The following EP300 variants were observed in gnomAD, a reference collection of about 807,000 sequenced individuals.
EP300 encodes the protein EP300 lysine acetyltransferase, also known as histone acetyltransferase p300.
EP300 carries 31 observed loss-of-function variants against 264.0 expected under a neutral mutation model. The ratio of observed to expected loss-of-function variants is 0.12; its 90% CI spans 0.09 to 0.16. EP300 has a LOEUF of 0.16. Ranked by LOEUF, EP300 falls within the 10% of genes least tolerant of loss-of-function variation. EP300 has a pLI of 1.00. For synonymous variants in EP300, 1,340 were observed against 1,045.4 expected (o/e 1.28, Z -5.44); for missense variants, 2,766 against 3,052.9 (o/e 0.91, Z 2.21).
chr22:41,156,205 G>A (rs758805920), intron 17 of EP300, among the ~76,000 whole-genome samples: 6 of 151,950 alleles, frequency 3.9e-5, no homozygotes, highest in Admixed American at 1.3e-4. Context: ...TAGAGATGGG[G>A]TTTCTGTATG....
chr22:41,150,615 G>A (rs762652539), intron 14 of EP300, among the ~76,000 whole-genome samples: 3 of 152,174 alleles, frequency 2.0e-5, no homozygotes, highest in Non-Finnish European at 2.9e-5. Flanking sequence ...TTGGACGGGC[G>A]CGGTGGTGTA....
At position 41,092,737 on chromosome 22, in the gene EP300, C is replaced by T. The variant is rs549162063; in HGVS notation, c.-268C>T. ...GTTCTCGGGAATTCGCCGCAGCGGA[C>T]GCGCTCGGCGAATTTGTGCTCTTGT... On this transcript the variant is annotated 5_prime_UTR_variant, in exon 1 of 31. In the 5' UTR this introduces an upstream ATG that the reference lacks. Coordinates refer to ENST00000263253, the MANE Select transcript of EP300 (RefSeq NM_001429.4). The T allele has an allele frequency of 6.6e-6, 4 of 608,932 alleles. No homozygotes were observed. Among genetic ancestry groups the T allele is most frequent in the Non-Finnish European group, 1.2e-5 (4 of 335,476 alleles). 37.7% of individuals were successfully genotyped at this position (608,932 alleles called of 1,614,324 possible).
chr22:41,117,862 G>T, intron 2 of EP300, 41 bp downstream of exon 2: 1 of 1,612,184 alleles, frequency 6.2e-7, no homozygotes, highest in Non-Finnish European at 8.5e-7. Flanking sequence ...CGGCATGCAT[G>T]TGAGTATTGT....
chr22:41,167,878 G>A (rs2059149159), intron 23 of EP300, among the ~76,000 whole-genome samples: 2 of 111,804 alleles, frequency 1.8e-5, no homozygotes, highest in African/African-American at 3.5e-5. Context: ...GTCGCCCATA[G>A]TGGCGCAGTC....
Position 41,149,953 on chromosome 22 carries a change from A to G in EP300, c.2572A>G (p.Thr858Ala), listed in dbSNP as rs201030855. 98 of 1,613,690 alleles carry G rather than the reference A, an allele frequency of 6.1e-5. 1 individual carries two copies. The highest frequency in any genetic ancestry group is 8.0e-5 in the Non-Finnish European group (94 of 1,179,866). ...SIGAQQPPAT[T>A]IPAPVPTPPA... ...AGGGGCTCAGCAGCCACCAGCAACA[A>G]CAATTCCAGCCCCTGTTCCTACACC... is the stretch of plus-strand genomic sequence containing the variant. The change falls in exon 14 of 31, where the codon ACA becomes GCA. Residue 858 changes from threonine (T) to alanine (A), a missense_variant. Coordinates refer to ENST00000263253, the MANE Select transcript of EP300 (RefSeq NM_001429.4).
At chr22:41,123,632 T>C (rs1316864824) in intron 2 of EP300, among the ~76,000 whole-genome samples, 1 of 152,186 alleles carries the variant, frequency 6.6e-6, no homozygotes, top group African/African-American at 2.4e-5. Flanking sequence ...ATGAATCCTT[T>C]AATTGGGCAG....
In EP300 at chr22:41,150,209, A is replaced by G; in HGVS notation, c.2817+11A>G. On this transcript the variant is annotated intron_variant, in intron 14 of 30. Transcript: ENST00000263253. ...CAGCCTGCAACTCCAGTAAGTAGAG[A>G]TTTGGATTTAGGCAGAATCATTAGA... 1 of 1,598,060 alleles carries G rather than the reference A, an allele frequency of 6.3e-7. No individual in the cohort carries two copies.
At chr22:41,126,185 G>A (rs2058881345) in intron 3 of EP300, 145 bp downstream of exon 3, 3 of 784,780 alleles carry the variant, frequency 3.8e-6, no homozygotes, top group Non-Finnish European at 6.2e-6. Context: ...TCCCTGTGAG[G>A]AGGCTTGTGC....
In EP300 at chr22:41,149,764, C is replaced by G; in HGVS notation, c.2383C>G (p.Gln795Glu). The G allele has an allele frequency of 6.2e-7, 1 of 1,614,080 alleles. No individual in the cohort carries two copies. The change falls in exon 14 of 31, where the codon CAA becomes GAA. Residue 795 changes from glutamine (Q) to glutamate (E), a missense_variant. Gln to Glu is a conservative substitution (Grantham distance 29, BLOSUM62 2). Coordinates refer to ENST00000263253, the MANE Select transcript of EP300 (RefSeq NM_001429.4). Reference protein sequence around the residue: ...SSGQAPVSQAQMSSSSCPVNS... With the variant: ...SSGQAPVSQAEMSSSSCPVNS... Reference sequence around the variant, plus strand: ...GTTATGTTTTTTATTTTAACAGGCACAAATGTCTAGTTCTTCCTGCCCGGT... The same window carrying G: ...GTTATGTTTTTTATTTTAACAGGCAGAAATGTCTAGTTCTTCCTGCCCGGT...
chr22:41,104,346 GTGGTGTAATCT>G lies in EP300; in HGVS notation c.94+11252_94+11262del, dbSNP rs532804758. 3.8e-4 allele frequency among the ~76,000 whole-genome samples: 57 copies of G among 151,962 alleles called. 1 individual carries two copies. The highest frequency in any genetic ancestry group is 1.3e-3 in the African/African-American group (53 of 41,436). On this transcript the variant is annotated intron_variant, in intron 1 of 30. Transcript: ENST00000263253. ...GCTCTGTTGCCCAGGCTGGAGTGCA[GTGGTGTAATCT>G]TGGCTCACTGCAACCTCTGCCTCCC...
chr22:41,109,979 A>G (rs910133988), intron 1 of EP300, among the ~76,000 whole-genome samples: 2 of 151,194 alleles, frequency 1.3e-5, no homozygotes, highest in Non-Finnish European at 3.0e-5. Context: ...ACGCCCAGCT[A>G]ATTTTTGTAT....
chr22:41,127,040 G>A (rs758594726), intron 3 of EP300, among the ~76,000 whole-genome samples: 1 of 151,982 alleles, frequency 6.6e-6, no homozygotes, highest in South Asian at 2.1e-4. Flanking sequence ...CACCGCGCCC[G>A]GCCTGAAATC....
chr22:41,154,060 TATC>T (rs928916811), intron 16 of EP300, among the ~76,000 whole-genome samples: 2 of 152,216 alleles, frequency 1.3e-5, no homozygotes, highest in Non-Finnish European at 2.9e-5. Flanking sequence ...TTTTGGGAAA[TATC>T]ATTGAGAACA....
intron 1 of EP300, among the ~76,000 whole-genome samples, chr22:41,100,725 T>C (rs954987107): frequency 9.9e-5 from 15 of 152,182 alleles, no homozygotes; most frequent in African/African-American, 3.6e-4. Flanking sequence ...GTGTAGGTTA[T>C]ATGCAAATAC....
In EP300 at chr22:41,179,050, A is replaced by C; in HGVS notation, c.*94A>C. Reference sequence around the variant, plus strand: ...AATTTTTTTGAATCTTTCGTAGCCTAAAAGACAATTTTCCTTGGAACACAT... The same window carrying C: ...AATTTTTTTGAATCTTTCGTAGCCTCAAAGACAATTTTCCTTGGAACACAT... On this transcript the variant is annotated 3_prime_UTR_variant, in exon 31 of 31. Transcript: ENST00000263253. The C allele has an allele frequency of 6.8e-7, 1 of 1,473,376 alleles. No individual in the cohort carries two copies. The allele number at this position is 1,473,376 out of a possible 1,614,324, so 91.3% of individuals were successfully genotyped here. A position where few individuals can be genotyped will look rare whatever the true frequency, so the allele number is the denominator to read the frequency against.
At chr22:41,124,077 G>A (rs991785142) in intron 2 of EP300, among the ~76,000 whole-genome samples, 3 of 152,146 alleles carry the variant, frequency 2.0e-5, no homozygotes, top group Non-Finnish European at 2.9e-5. Flanking sequence ...GCGAAACCCC[G>A]TCTCGACTGA....
rs1306799440 is a variant in EP300 at position 41,141,182 on chromosome 22, A to G, written c.2013A>G (p.Pro671=). The change falls in exon 10 of 31, where the codon CCA becomes CCG. Residue 671 remains proline, a synonymous_variant. Transcript: ENST00000263253. ...AAGMVPVSMN[P]GPNMGQPQPG... ...GCATGGTTCCAGTTTCCATGAATCC[A>G]GGGCCTAACATGGGACAGCCGCAAC... The G allele has an allele frequency of 6.2e-7, 1 of 1,614,114 alleles. No homozygotes were observed. The highest frequency in any genetic ancestry group is 1.3e-5 in the African/African-American group (1 of 74,954).
chr22:41,138,284 C>T (rs562823973), intron 8 of EP300, among the ~76,000 whole-genome samples: 2 of 152,136 alleles, frequency 1.3e-5, no homozygotes, highest in African/African-American at 2.4e-5. Context: ...CTGTCTCAGC[C>T]GCCCAGGTAG....
chr22:41,176,191 G>A (rs1732888457), intron 29 of EP300, 56 bp from the exon 30 acceptor site: 2 of 1,605,666 alleles, frequency 1.2e-6, no homozygotes, highest in African/African-American at 2.7e-5. Context: ...CTGCATTCCA[G>A]CCTGGATGAC....
Sources: gnomAD v4.1 joint callset for allele counts (sites outside exome capture counted in the v4.1 genomes callset) on GRCh38, gnomAD v4.1.1 for gene constraint, MANE v1.5 for transcripts, NCBI Gene and HGNC (gene_info 2026-07-23, HGNC 2026-07-21) for gene names.